The following NLN variants were observed in gnomAD, a reference collection of about 807,000 sequenced individuals.
NLN encodes neurolysin, mitochondrial.
A neutral mutation model predicts 79.9 loss-of-function variants in NLN; 64 were observed. That is an observed-to-expected ratio of 0.80 (90% CI 0.65 to 0.99). NLN has a LOEUF of 0.99. NLN is among the 50% of genes least tolerant of loss of function. The pLI is 0.00. For synonymous variants in NLN, 267 were observed against 296.6 expected (o/e 0.90, Z 1.02); for missense variants, 835 against 858.7 (o/e 0.97, Z 0.34).
chr5:65,748,566 C>T (rs1370059505), intron 1 of NLN, among the ~76,000 whole-genome samples: 1 of 152,130 alleles, frequency 6.6e-6, no homozygotes, highest in Non-Finnish European at 1.5e-5. Flanking sequence ...TGAGACCAGC[C>T]TGGGCAACAT....
chr5:65,723,814 CAAAAAAAAAA>C (rs760572199), intron 1 of NLN, among the ~76,000 whole-genome samples: 1 of 55,314 alleles, frequency 1.8e-5, no homozygotes, highest in Non-Finnish European at 3.6e-5. Context: ...GACTCCGTCT[CAAAAAAAAAA>C]AAAAAAAAAA....
intron 8 of NLN, among the ~76,000 whole-genome samples, chr5:65,791,164 G>T (rs1280309611): frequency 1.3e-5 from 2 of 152,218 alleles, no homozygotes; most frequent in African/African-American, 2.4e-5. Context: ...TGCAGTGGCT[G>T]TAATCCCAGC....
intron 1 of NLN, among the ~76,000 whole-genome samples, chr5:65,756,979 C>A (rs913435902): frequency 2.6e-5 from 4 of 152,192 alleles, no homozygotes; most frequent in African/African-American, 9.6e-5. Context: ...CCCCCTGCCC[C>A]AAGACCAGAA....
At chr5:65,779,713 A>G (rs1163603837) in intron 4 of NLN, among the ~76,000 whole-genome samples, 3 of 152,198 alleles carry the variant, frequency 2.0e-5, no homozygotes, top group Non-Finnish European at 4.4e-5. Context: ...TATTCTTCAA[A>G]TTCACAACTA....
chr5:65,812,278 G>C lies in NLN; in HGVS notation c.1867G>C (p.Gly623Arg). 6.2e-7 allele frequency: 1 copy of C among 1,613,160 alleles called. No homozygotes were observed. The highest frequency in any genetic ancestry group is 8.5e-7 in the Non-Finnish European group (1 of 1,179,330). ...AGGCACAAATATGCCAGCTACCTTT[G>C]GACATTTGGCAGGGGGATACGATGG... Reference protein sequence around the residue: ...TPGTNMPATFGHLAGGYDGQY... With the variant: ...TPGTNMPATFRHLAGGYDGQY... Residue 623 changes from glycine (G) to arginine (R), a missense_variant, in exon 12 of 13, where the codon GGA becomes CGA. Gly to Arg is a moderately radical substitution (Grantham distance 125, BLOSUM62 -2). Coordinates refer to ENST00000380985, the MANE Select transcript of NLN (RefSeq NM_020726.5).
rs773420611 is a variant in NLN, at chr5:65,809,524, G to A, written c.1537G>A (p.Ala513Thr). 6.3e-7 allele frequency: 1 copy of A among 1,595,648 alleles called. No individual in the cohort carries two copies. Among genetic ancestry groups the A allele is most frequent in the Non-Finnish European group, 8.5e-7 (1 of 1,174,376 alleles). ...MHQICAQTDF[A>T]RFSGTNVETD... is the part of the protein sequence containing the mutation. Reference sequence around the variant, plus strand: ...TGTGTTTGCTTTCTAGACTGATTTTGCACGATTTAGCGGAACAAATGTGGA... The same window carrying A: ...TGTGTTTGCTTTCTAGACTGATTTTACACGATTTAGCGGAACAAATGTGGA... Residue 513 changes from alanine to threonine, a missense_variant, in exon 10 of 13, where the codon GCA becomes ACA. By Grantham distance (58) the Ala-to-Thr change is moderately conservative (BLOSUM62 0). Transcript: ENST00000380985.
chr5:65,802,677 A>G (rs1760314617), intron 9 of NLN, among the ~76,000 whole-genome samples: 1 of 152,194 alleles, frequency 6.6e-6, no homozygotes, highest in Admixed American at 6.5e-5. Context: ...TGAGCAAGGC[A>G]AAGAGGAGCT....
intron 1 of NLN, among the ~76,000 whole-genome samples, chr5:65,737,052 C>T (rs1401551088): frequency 6.6e-6 from 1 of 152,116 alleles, no homozygotes; most frequent in Non-Finnish European, 1.5e-5. Context: ...CTGCAGCGAG[C>T]CATGATCATG....
chr5:65,758,246 G>A (rs1759263077), intron 1 of NLN, among the ~76,000 whole-genome samples: 1 of 151,848 alleles, frequency 6.6e-6, no homozygotes, highest in Non-Finnish European at 1.5e-5. Context: ...AAAAAAAGAG[G>A]GAGGGAAGAT....
At chr5:65,776,743 G>A (rs1759688940) in intron 3 of NLN, among the ~76,000 whole-genome samples, 1 of 152,168 alleles carries the variant, frequency 6.6e-6, no homozygotes, top group Admixed American at 6.5e-5. Flanking sequence ...ATGGCCCTCT[G>A]TTCTTTTGAG....
chr5:65,810,052 G>C lies in NLN; in HGVS notation c.1730G>C (p.Arg577Pro), dbSNP rs181089957. Residue 577 changes from arginine to proline, a missense_variant, in exon 11 of 13, where the codon CGC becomes CCC. Transcript: ENST00000380985. ...RLVNTGLLTLRQIVLSKVDQS... is the reference protein window; with the variant it reads ...RLVNTGLLTLPQIVLSKVDQS... ...ATGTTATTAGGTCTTCTGACCCTGC[G>C]CCAGATTGTTTTGAGCAAAGTTGAT... The C allele has an allele frequency of 2.0e-5, 33 of 1,613,802 alleles. No homozygotes were observed. Among genetic ancestry groups the C allele is most frequent in the Non-Finnish European group, 2.8e-5 (33 of 1,179,980 alleles).
intron 9 of NLN, among the ~76,000 whole-genome samples, chr5:65,808,866 A>C (rs1400544808): frequency 6.6e-6 from 1 of 152,246 alleles, no homozygotes; most frequent in Non-Finnish European, 1.5e-5. Context: ...CCAATCTGAG[A>C]GGTAGAAATC....
At chr5:65,753,972 C>T (rs535322396) in intron 1 of NLN, among the ~76,000 whole-genome samples, 3 of 152,146 alleles carry the variant, frequency 2.0e-5, no homozygotes, top group Non-Finnish European at 2.9e-5. Flanking sequence ...TATTATTTTG[C>T]ACCAACACCA....
chr5:65,760,904 T>C (rs918427961), intron 2 of NLN, among the ~76,000 whole-genome samples: 1 of 152,222 alleles, frequency 6.6e-6, no homozygotes, highest in Non-Finnish European at 1.5e-5. Context: ...TTCAAGTTTG[T>C]GATGTTTGTT....
chr5:65,753,325 A>G (rs1243792044), intron 1 of NLN, among the ~76,000 whole-genome samples: 1 of 152,220 alleles, frequency 6.6e-6, no homozygotes, highest in African/African-American at 2.4e-5. Context: ...TCATCTTATC[A>G]GTGAAATGCT....
At chr5:65,766,790 C>T (rs1190353102) in intron 3 of NLN, among the ~76,000 whole-genome samples, 4 of 152,210 alleles carry the variant, frequency 2.6e-5, no homozygotes, top group Non-Finnish European at 5.9e-5. Context: ...TGGGTACAGG[C>T]GTTGGGTAAA....
intron 9 of NLN, among the ~76,000 whole-genome samples, chr5:65,801,972 A>G (rs1430860130): frequency 6.6e-6 from 1 of 152,204 alleles, no homozygotes; most frequent in Non-Finnish European, 1.5e-5. Flanking sequence ...TTTTGTCAGT[A>G]TATCATATGG....
intron 1 of NLN, among the ~76,000 whole-genome samples, chr5:65,752,499 G>T (rs1359630789): frequency 1.3e-5 from 2 of 152,178 alleles, no homozygotes; most frequent in Admixed American, 1.3e-4. Flanking sequence ...GCTCTCACTT[G>T]CAAAAAGTCA....
chr5:65,722,405 G>A lies in NLN; in HGVS notation c.32G>A (p.Ser11Asn). The change falls in exon 1 of 13, where the codon AGC becomes AAC. Residue 11 changes from serine to asparagine, a missense_variant. Ser to Asn is a conservative substitution (Grantham distance 46). Coordinates refer to ENST00000380985, the MANE Select transcript of NLN (RefSeq NM_020726.5). The stretch of plus-strand genomic sequence containing the variant: ...GCCCGGTGCCTTTTGGCTGTGCGAA[G>A]CCTCCGCAGGTACCTCCAGCGCGCG... Reference protein sequence around the residue: MIARCLLAVRSLRRVGGSRIL... With the variant: MIARCLLAVRNLRRVGGSRIL... 6.3e-7 allele frequency: 1 copy of A among 1,590,640 alleles called. No homozygotes were observed. The highest frequency in any genetic ancestry group is 1.7e-5 in the Admixed American group (1 of 57,554).
Sources: gnomAD v4.1 joint callset for allele counts (sites outside exome capture counted in the v4.1 genomes callset) on GRCh38, gnomAD v4.1.1 for gene constraint, MANE v1.5 for transcripts, NCBI Gene and HGNC (gene_info 2026-07-23, HGNC 2026-07-21) for gene names.